DNAH9: variants seen among roughly 807,000 people sequenced by gnomAD.
DNAH9 encodes dynein axonemal heavy chain 9, also known as DNAH9 variant protein.
A neutral mutation model predicts 471.6 loss-of-function variants in DNAH9; 345 were observed. That is an observed-to-expected ratio of 0.73 (90% confidence interval 0.67 to 0.80). The LOEUF is 0.80. Among genes scored for constraint, DNAH9 ranks in the 30% least tolerant of loss-of-function variants. DNAH9 has a pLI of 0.00. For missense variants in DNAH9, 5,407 were observed against 5,609.2 expected, an observed-to-expected ratio of 0.96 and a Z score of 1.15; for synonymous variants, 2,093 against 2,123.6, an observed-to-expected ratio of 0.99 and a Z score of 0.40.
At chr17:11,659,524 G>T (rs1267224449) in intron 14 of DNAH9, among the ~76,000 whole-genome samples, 2 of 152,162 alleles carry the variant, frequency 1.3e-5, no homozygotes, top group South Asian at 2.1e-4. Context: ...AAAACCCCTT[G>T]TAGCCTCTGG....
chr17:11,860,327 CCTT>C (rs1430003024), intron 50 of DNAH9, among the ~76,000 whole-genome samples: 2 of 152,168 alleles, frequency 1.3e-5, no homozygotes, highest in Non-Finnish European at 2.9e-5. Context: ...CTTTGTTTGT[CCTT>C]CTTTGCTGCC....
At chr17:11,920,636 G>C (rs1271718661) in intron 61 of DNAH9, among the ~76,000 whole-genome samples, 1 of 142,710 alleles carries the variant, frequency 7.0e-6, no homozygotes, top group Non-Finnish European at 1.5e-5. Context: ...AAAAAAAAAA[G>C]AAAAGAAAAA....
At chr17:11,851,164 G>A (rs1403553424) in intron 49 of DNAH9, among the ~76,000 whole-genome samples, 1 of 151,918 alleles carries the variant, frequency 6.6e-6, no homozygotes, top group African/African-American at 2.4e-5. Context: ...AGGCTGGAGT[G>A]CAATGGCATG....
At chr17:11,647,372 A>T (rs541290767) in intron 12 of DNAH9, among the ~76,000 whole-genome samples, 174 bp downstream of exon 12, 1 of 152,158 alleles carries the variant, frequency 6.6e-6, no homozygotes, top group Non-Finnish European at 1.5e-5. Flanking sequence ...TCCTGGGTTC[A>T]AGTGATTCTC....
intron 48 of DNAH9, among the ~76,000 whole-genome samples, chr17:11,828,069 G>A (rs948127618): frequency 2.0e-5 from 3 of 152,084 alleles, no homozygotes; most frequent in Non-Finnish European, 4.4e-5. Context: ...GCTGAGTCAT[G>A]GATATCTTTT....
At chr17:11,959,751 A>G (rs749604275) in intron 67 of DNAH9, among the ~76,000 whole-genome samples, 6 of 152,184 alleles carry the variant, frequency 3.9e-5, no homozygotes, top group Non-Finnish European at 5.9e-5. Context: ...GTGGCCTCAG[A>G]TTCATCACAA....
At chr17:11,694,697 G>T (rs7208433) in intron 22 of DNAH9, among the ~76,000 whole-genome samples, 61 of 1,408 alleles carry the variant, frequency 0.043, 19 homozygotes, top group African/African-American at 0.047. Flanking sequence ...TCGCTTTCTC[G>T]CTTTCTCTCT....
intron 51 of DNAH9, among the ~76,000 whole-genome samples, chr17:11,870,584 G>T (rs1401209499): frequency 6.6e-6 from 1 of 152,196 alleles, no homozygotes; most frequent in African/African-American, 2.4e-5. Context: ...CTTCTGTGTG[G>T]CTTTGAGATG....
chr17:11,902,935 G>A, intron 60 of DNAH9, 23 bp downstream of exon 60: 1 of 1,606,564 alleles, frequency 6.2e-7, no homozygotes, highest in Non-Finnish European at 8.5e-7. Flanking sequence ...GTGGTGGAAG[G>A]CCCAGCATAG....
chr17:11,716,725 G>A (rs2074970901), intron 26 of DNAH9, among the ~76,000 whole-genome samples: 1 of 152,192 alleles, frequency 6.6e-6, no homozygotes, highest in Non-Finnish European at 1.5e-5. Context: ...TGAGAGCCCT[G>A]CAGCTCCAGA....
chr17:11,955,547 C>G (rs1010544920), intron 67 of DNAH9, among the ~76,000 whole-genome samples: 1 of 152,140 alleles, frequency 6.6e-6, no homozygotes, highest in Non-Finnish European at 1.5e-5. Flanking sequence ...CAGACCACTC[C>G]TACATTTGGA....
chr17:11,879,466 T>C (rs911997336), intron 53 of DNAH9, among the ~76,000 whole-genome samples: 1 of 152,154 alleles, frequency 6.6e-6, no homozygotes, highest in African/African-American at 2.4e-5. Flanking sequence ...TTTGTTTGAG[T>C]TGTATTATAT....
intron 59 of DNAH9, among the ~76,000 whole-genome samples, chr17:11,895,905 TC>T (rs377004695): frequency 5.9e-5 from 9 of 152,256 alleles, no homozygotes; most frequent in African/African-American, 2.2e-4. Context: ...GCCGTCCCCT[TC>T]AAAGGAGTCA....
At chr17:11,618,699 TA>T (rs2072795486) in intron 5 of DNAH9, among the ~76,000 whole-genome samples, 1 of 152,134 alleles carries the variant, frequency 6.6e-6, no homozygotes. Context: ...GCTTAATAAG[TA>T]ACTAAGAATA....
chr17:11,962,200 C>T lies in DNAH9; in HGVS notation c.13177C>T (p.Arg4393Trp), dbSNP rs779313442. ...CAGAGAAGAGTTTAGGAGTCCTCCT[C>T]GGGAAGGGGCCTACATCCATGGCCT... ...KNREEFRSPP[R>W]EGAYIHGLFM... Residue 4393 changes from arginine to tryptophan, a missense_variant, in exon 68 of 69, where the codon CGG (arginine) becomes TGG (tryptophan). Arg to Trp is a moderately radical substitution (Grantham distance 101). Transcript: ENST00000262442. This position sits in a 1 kb window ranked among gnomAD's most constrained non-coding sequence, Gnocchi z 4.1. 6.8e-6 allele frequency: 11 copies of T among 1,613,924 alleles called. 1 individual carries two copies. Among genetic ancestry groups the T allele is most frequent in the South Asian group, 6.6e-5 (6 of 91,048 alleles).
At chr17:11,668,263 C>G (rs1031829520) in intron 15 of DNAH9, among the ~76,000 whole-genome samples, 24 of 152,170 alleles carry the variant, frequency 1.6e-4, no homozygotes, top group African/African-American at 5.5e-4. Flanking sequence ...TGGTTCATGT[C>G]TGTACATCGT....
At chr17:11,853,149 A>C (rs1289841241) in intron 49 of DNAH9, 1 of 151,816 alleles carries the variant, frequency 6.6e-6, no homozygotes. Flanking sequence ...AACTGTATCC[A>C]GGGTAACTGA....
intron 36 of DNAH9, among the ~76,000 whole-genome samples, chr17:11,763,820 G>A (rs1967822852): frequency 6.6e-6 from 1 of 152,208 alleles, no homozygotes; most frequent in Admixed American, 6.5e-5. Flanking sequence ...AGGTCGTGGT[G>A]TGTTCGGAGC....
chr17:11,625,959 A>G (rs1243497769), intron 6 of DNAH9, among the ~76,000 whole-genome samples: 1 of 152,244 alleles, frequency 6.6e-6, no homozygotes, highest in African/African-American at 2.4e-5. Flanking sequence ...TGGTAACTTC[A>G]CAGCAACTTA....
Sources: gnomAD v4.1 joint callset for allele counts (sites outside exome capture counted in the v4.1 genomes callset) on GRCh38, gnomAD v4.1.1 for gene constraint, Gnocchi (gnomAD v3.1) non-coding constraint, MANE v1.5 for transcripts, NCBI Gene and HGNC (gene_info 2026-07-23, HGNC 2026-07-21) for gene names.